OR51B5: variants seen among roughly 807,000 people sequenced by gnomAD.
The protein encoded by OR51B5 is olfactory receptor 51B5.
For missense variants in OR51B5, 456 were observed against 374.6 expected (o/e 1.22, Z -1.79); for synonymous variants, 186 against 144.8 (o/e 1.28, Z -2.04).
chr11:5,436,718 T>C (rs1379019482), intron 1 of OR51B5, among the ~76,000 whole-genome samples: 1 of 152,070 alleles, frequency 6.6e-6, no homozygotes, highest in African/African-American at 2.4e-5. Context: ...TTGATAGAGA[T>C]TCACTCAAAG....
intron 1 of OR51B5, among the ~76,000 whole-genome samples, chr11:5,381,174 T>TGACA (rs1554885860): frequency 9.1e-4 from 135 of 148,418 alleles, no homozygotes; most frequent in Non-Finnish European, 7.4e-4. Flanking sequence ...TCTCTCTCTC[T>TGACA]CACACACACA....
At chr11:5,491,263 A>C (rs914398061) in intron 1 of OR51B5, among the ~76,000 whole-genome samples, 1 of 152,252 alleles carries the variant, frequency 6.6e-6, no homozygotes, top group Admixed American at 6.5e-5. Flanking sequence ...AGTCACATCC[A>C]CAAGAATCAT....
intron 1 of OR51B5, chr11:5,390,112 A>C: frequency 6.2e-7 from 1 of 1,613,816 alleles, no homozygotes; most frequent in Non-Finnish European, 8.5e-7. Context: ...ACACAGTAGC[A>C]GGCCTGGCCT....
At chr11:5,377,797 C>G (rs1356647031) in intron 1 of OR51B5, among the ~76,000 whole-genome samples, 4 of 151,756 alleles carry the variant, frequency 2.6e-5, no homozygotes, top group South Asian at 2.1e-4. Flanking sequence ...AACCACTGCT[C>G]AATGAAATAA....
rs1054229809 is a variant in OR51B5 at position 5,423,780 on chromosome 11, A to C, written n.85-76870T>G. 3.3e-5 allele frequency among the ~76,000 whole-genome samples: 5 copies of C among 152,332 alleles called. No homozygotes were observed. The East Asian group carries it at 5.8e-4, about 18-fold the overall frequency. On this transcript the variant is annotated intron_variant and non_coding_transcript_variant, in intron 1 of 4. Transcript: ENST00000415970. ...TAATAAACACTCAGCAAGCAAAATA[A>C]ACATATGCAAGAAGTCTAAAATTAG...
At chr11:5,408,657 T>C (rs1163213120) in intron 1 of OR51B5, among the ~76,000 whole-genome samples, 1 of 152,044 alleles carries the variant, frequency 6.6e-6, no homozygotes, top group Non-Finnish European at 1.5e-5. Context: ...CAGCCTGTGA[T>C]CACAATGTAT....
intron 1 of OR51B5, among the ~76,000 whole-genome samples, chr11:5,465,071 T>G (rs1317886091): frequency 6.6e-6 from 1 of 150,868 alleles, no homozygotes; most frequent in East Asian, 1.9e-4. Context: ...CCGGGCGTAG[T>G]GGCGGGCGCC....
chr11:5,420,664 A>G (rs1850320218), intron 1 of OR51B5, among the ~76,000 whole-genome samples: 1 of 152,118 alleles, frequency 6.6e-6, no homozygotes, highest in Non-Finnish European at 1.5e-5. Flanking sequence ...AAGTCTTCAC[A>G]AAGGAAAGAT....
At chr11:5,359,212 T>G (rs557850578) in intron 1 of OR51B5, among the ~76,000 whole-genome samples, 24 of 150,898 alleles carry the variant, frequency 1.6e-4, no homozygotes, top group Middle Eastern at 3.4e-3. Context: ...TGTCCCTGTT[T>G]GCAGATGACA....
At chr11:5,476,186 T>C (rs1037445978) in intron 1 of OR51B5, among the ~76,000 whole-genome samples, 11 of 152,110 alleles carry the variant, frequency 7.2e-5, no homozygotes, top group Admixed American at 1.3e-4. Context: ...TATAACTATT[T>C]CCCCCCAGTA....
Position 5,459,768 on chromosome 11 carries a change from A to G in OR51B5, n.84+45801T>C, listed in dbSNP as rs1851019032. Among the ~76,000 whole-genome samples, 3 of 152,192 alleles carry G rather than the reference A, an allele frequency of 2.0e-5. No homozygotes were observed. In the South Asian group the frequency reaches 6.2e-4, roughly 32 times the overall value. On this transcript the variant is annotated intron_variant and non_coding_transcript_variant, in intron 1 of 4. Transcript: ENST00000415970. ...AGGTTGTGGAGAAAAGGGAATGCTT[A>G]TGCACTGTTGGTGGGAGTGTAAATT...
intron 1 of OR51B5, chr11:5,488,637 C>T: frequency 9.0e-7 from 1 of 1,108,240 alleles, no homozygotes; most frequent in South Asian, 1.5e-5. Flanking sequence ...CATAAATCAA[C>T]CAAATATCTG....
chr11:5,438,149 C>T (rs1436560232), intron 1 of OR51B5, among the ~76,000 whole-genome samples: 1 of 152,006 alleles, frequency 6.6e-6, no homozygotes, highest in Admixed American at 6.6e-5. Context: ...ACAAATGATG[C>T]CTCATATTGG....
At position 5,462,096 on chromosome 11, in the gene OR51B5, G is replaced by A. The variant is rs553854678; in HGVS notation, n.84+43473C>T. On this transcript the variant is annotated intron_variant and non_coding_transcript_variant, in intron 1 of 4. Coordinates refer to the OR51B5 transcript ENST00000415970. ...CAAATACTGAACATAGGTTTAAGGT[G>A]TGTGGAAAAAATATGTGAATAATAA... 2.0e-4 allele frequency among the ~76,000 whole-genome samples: 31 copies of A among 152,292 alleles called. 3 individuals are homozygous for A. In the South Asian group the frequency reaches 6.2e-3, roughly 31 times the overall value.
chr11:5,480,137 C>G (rs1169176309), intron 1 of OR51B5, among the ~76,000 whole-genome samples: 2 of 152,144 alleles, frequency 1.3e-5, no homozygotes. Flanking sequence ...TGTAAAAGAA[C>G]AGAGATTATA....
At chr11:5,502,281 C>T (rs1333091103) in intron 1 of OR51B5, among the ~76,000 whole-genome samples, 2 of 152,162 alleles carry the variant, frequency 1.3e-5, no homozygotes, top group African/African-American at 4.8e-5. Context: ...ACCTGTCTTT[C>T]CCACATCACC....
chr11:5,343,386 TGA>T lies in OR51B5; in HGVS notation c.137_138del (p.Leu46HisfsTer2). On this transcript the variant is annotated frameshift_variant, in exon 1 of 1. Coordinates refer to ENST00000300773, the Ensembl canonical transcript of OR51B5. LOFTEE classifies it low-confidence loss of function (END_TRUNC). ...TCATGAAGATTGTGATCTTCCTTAATGAGAAGAAGGAGGGTGCCATTGCCAAA... is the reference window on the plus strand; with the variant it reads ...TCATGAAGATTGTGATCTTCCTTAATGAAGAAGGAGGGTGCCATTGCCAAA... 6.2e-7 allele frequency: 1 copy of T among 1,613,768 alleles called. No individual in the cohort carries two copies. Among genetic ancestry groups the T allele is most frequent in the Non-Finnish European group, 8.5e-7 (1 of 1,179,884 alleles).
At chr11:5,488,273 A>G (rs1851525255) in intron 1 of OR51B5, among the ~76,000 whole-genome samples, 2 of 152,204 alleles carry the variant, frequency 1.3e-5, no homozygotes, top group African/African-American at 4.8e-5. Flanking sequence ...AAGCAGGGAA[A>G]CTTGTATTAA....
At position 5,477,660 on chromosome 11, in the gene OR51B5, G is replaced by A. The variant is rs536476391; in HGVS notation, n.84+27909C>T. ...GCGCAGGTCAGTGGGTGCGCGCACCGTGCGCGAGCCGAAGCAGGGTGAGGC... is the reference window on the plus strand; with the variant it reads ...GCGCAGGTCAGTGGGTGCGCGCACCATGCGCGAGCCGAAGCAGGGTGAGGC... On this transcript the variant is annotated intron_variant and non_coding_transcript_variant, in intron 1 of 4. Coordinates refer to the OR51B5 transcript ENST00000415970. Among the ~76,000 whole-genome samples, 340 of 152,202 alleles carry A rather than the reference G, an allele frequency of 2.2e-3. 1 individual carries two copies. Among genetic ancestry groups the A allele is most frequent in the African/African-American group, 7.6e-3 (315 of 41,554 alleles).
Sources: allele counts gnomAD v4.1 joint callset (sites outside exome capture counted in the v4.1 genomes callset), GRCh38; gene constraint gnomAD v4.1.1; transcripts MANE v1.5; gene names NCBI Gene and HGNC (gene_info 2026-07-23, HGNC 2026-07-21).